The following FCN3 variants were observed in gnomAD, a reference collection of about 807,000 sequenced individuals.
FCN3 encodes the protein ficolin-3.
Under a neutral mutation model 31.5 loss-of-function variants are expected in FCN3, and 28 were observed. The ratio of observed to expected loss-of-function variants is 0.89; its 90% CI spans 0.66 to 1.22. The LOEUF (loss-of-function observed/expected upper bound fraction) is 1.22, where lower values mean the gene tolerates loss of function less well. FCN3 is among the 50% of genes most tolerant of loss of function. FCN3 has a pLI of 0.00. For synonymous variants in FCN3, 124 were observed against 147.4 expected (o/e 0.84, Z 1.15); for missense variants, 351 against 386.8 (o/e 0.91, Z 0.78).
At chr1:27,373,832 T>C in intron 3 of FCN3, 133 bp downstream of exon 3, 2 of 830,352 alleles carry the variant, frequency 2.4e-6, no homozygotes, top group Non-Finnish European at 3.9e-6. Context: ...CTCCTAATCC[T>C]TCCCACTCCT....
At chr1:27,371,432 C>T (rs765613386) in intron 5 of FCN3, among the ~76,000 whole-genome samples, 4 of 152,112 alleles carry the variant, frequency 2.6e-5, no homozygotes, top group Non-Finnish European at 5.9e-5. Context: ...AAATATTAGC[C>T]GGGTGTGGTG....
intron 5 of FCN3, 75 bp from the exon 6 acceptor site, chr1:27,371,047 G>A (rs2016137343): frequency 2.7e-6 from 4 of 1,473,010 alleles, no homozygotes; most frequent in Admixed American, 1.9e-5. Context: ...ACTGTGAGGG[G>A]TGGGTGGATA....
At position 27,370,700 on chromosome 1, in the gene FCN3, T is replaced by A; in HGVS notation, c.554A>T (p.Asp185Val). 6.2e-7 allele frequency: 1 copy of A among 1,614,148 alleles called. No homozygotes were observed. Among genetic ancestry groups the A allele is most frequent in the South Asian group, 1.1e-5 (1 of 91,084 alleles). The part of the protein sequence containing the change: ...GNWELRVELE[D>V]FNGNRTFAHY... The stretch of plus-strand genomic sequence containing the variant: ...GGCGAAAGTACGGTTACCATTAAAG[T>A]CTTCCAGCTCTACCCGCAGCTCCCA... Residue 185 changes from aspartate to valine, a missense_variant, in exon 7 of 8, where the codon GAC becomes GTC. Physicochemically the swap from Asp to Val is radical, Grantham distance 152 (BLOSUM62 -3). Transcript: ENST00000270879.
At position 27,369,421 on chromosome 1, in the gene FCN3, C is replaced by T. The variant is rs778768902; in HGVS notation, c.715G>A (p.Asp239Asn). 6.8e-6 allele frequency: 11 copies of T among 1,614,096 alleles called. No individual in the cohort carries two copies. The highest frequency in any genetic ancestry group is 2.2e-5 in the East Asian group (1 of 44,902). Residue 239 changes from aspartate (D) to asparagine (N), a missense_variant, in exon 8 of 8, where the codon GAT becomes AAT. Physicochemically the swap from Asp to Asn is conservative, Grantham distance 23 (BLOSUM62 1). Coordinates refer to ENST00000270879, the MANE Select transcript of FCN3 (RefSeq NM_003665.4). ...RPFTTYDADH[D>N]SSNSNCAVIV... ...ACTGCACAGTTGCTGTTGCTTGAAT[C>T]GTGGTCAGCGTCATAGGTGGTAAAG...
chr1:27,374,754 T>C lies in FCN3; in HGVS notation c.65A>G (p.Lys22Arg). The C allele has an allele frequency of 7.2e-7, 1 of 1,388,334 alleles. No individual in the cohort carries two copies. The highest frequency in any genetic ancestry group is 9.4e-7 in the Non-Finnish European group (1 of 1,065,662). The allele number at this position is 1,388,334 out of a possible 1,614,324, so 86.0% of individuals were successfully genotyped here. ...TGGGCAGCTGGGGTGTTCCTGGGTC[T>C]TCAGGCAGGCAGGCCCCCCAAGCAG... ...LLLLGGPACL[K>R]TQEHPSCPGP... Residue 22 changes from lysine to arginine, a missense_variant, in exon 1 of 8, where the codon AAG becomes AGG. Lys to Arg is a conservative substitution (Grantham distance 26). Transcript: ENST00000270879.
At chr1:27,371,035 G>A in intron 5 of FCN3, 63 bp from the exon 6 acceptor site, 1 of 1,553,094 alleles carries the variant, frequency 6.4e-7, no homozygotes, top group Non-Finnish European at 8.8e-7. Context: ...GAGGGTGCAG[G>A]AACTGTGAGG....
intron 3 of FCN3, 90 bp downstream of exon 3, chr1:27,373,875 C>G: frequency 1.7e-6 from 2 of 1,159,052 alleles, no homozygotes; most frequent in Non-Finnish European, 2.6e-6. Flanking sequence ...AGAGAGCCAT[C>G]ATAGGCACAG....
intron 7 of FCN3, among the ~76,000 whole-genome samples, chr1:27,370,052 G>A (rs562854825): frequency 1.1e-4 from 16 of 150,610 alleles, no homozygotes; most frequent in African/African-American, 3.9e-4. Context: ...TGTCGCCCAG[G>A]CTAGAGTGCA....
chr1:27,370,485 GA>G, intron 7 of FCN3, 110 bp downstream of exon 7: 2 of 937,882 alleles, frequency 2.1e-6, no homozygotes, highest in South Asian at 1.6e-5. Context: ...CTCAGATGCG[GA>G]AACTAAGGCC....
chr1:27,369,391 C>G lies in FCN3; in HGVS notation c.745G>C (p.Val249Leu). 1 of 1,614,230 alleles carries G rather than the reference C, an allele frequency of 6.2e-7. No homozygotes were observed. The highest frequency in any genetic ancestry group is 1.1e-5 in the South Asian group (1 of 91,086). Residue 249 changes from valine (V) to leucine (L), a missense_variant, in exon 8 of 8, where the codon GTC (valine) becomes CTC (leucine). Transcript: ENST00000270879. ...DSSNSNCAVIVHGAWWYASCY... is the reference protein window; with the variant it reads ...DSSNSNCAVILHGAWWYASCY... ...GATGCATACCACCAGGCACCGTGGACAATCACTGCACAGTTGCTGTTGCTT... is the reference window on the plus strand; with the variant it reads ...GATGCATACCACCAGGCACCGTGGAGAATCACTGCACAGTTGCTGTTGCTT...
chr1:27,371,001 A>AG, intron 5 of FCN3, 29 bp from the exon 6 acceptor site: 1 of 1,604,750 alleles, frequency 6.2e-7, no homozygotes, highest in Admixed American at 1.7e-5. Context: ...AGCAGCTATT[A>AG]CTCCAGGCTG....
At position 27,372,494 on chromosome 1, in the gene FCN3, C is replaced by T. The variant is rs570125085; in HGVS notation, c.393+642G>A. On this transcript the variant is annotated intron_variant, in intron 5 of 7. Transcript: ENST00000270879. Reference sequence around the variant, plus strand: ...AACTCTTGACCTCAGGTGATCTGCCCGCCTTGGCCTCCCAAAGTGCTGGGA... The same window carrying T: ...AACTCTTGACCTCAGGTGATCTGCCTGCCTTGGCCTCCCAAAGTGCTGGGA... Among the ~76,000 whole-genome samples, 8 of 152,300 alleles carry T rather than the reference C, an allele frequency of 5.3e-5. No individual in the cohort carries two copies. In the South Asian group the frequency reaches 1.0e-3, roughly 20 times the overall value.
intron 5 of FCN3, among the ~76,000 whole-genome samples, chr1:27,372,773 A>ATTTTTTTTTTTT (rs71010351): frequency 2.1e-5 from 2 of 96,442 alleles, no homozygotes; most frequent in Non-Finnish European, 2.0e-5. Context: ...TCCCTACCCT[A>ATTTTTTTTTTTT]TTTTTTTTTT....
rs773203671 is a variant in FCN3, at chr1:27,370,777, G to A, written c.524-47C>T. On this transcript the variant is annotated intron_variant, in intron 6 of 7. Transcript: ENST00000270879. Reference sequence around the variant, plus strand: ...GATGGAGGAATCCTCAGTTCTTGGGGGTGGGGCAGGGATTCAGGATGGCAG... The same window carrying A: ...GATGGAGGAATCCTCAGTTCTTGGGAGTGGGGCAGGGATTCAGGATGGCAG... 7 of 1,611,572 alleles carry A rather than the reference G, an allele frequency of 4.3e-6. No individual in the cohort carries two copies. In the East Asian group the frequency reaches 1.3e-4, roughly 31 times the overall value.
At chr1:27,373,738 A>G in intron 3 of FCN3, 1 of 644,282 alleles carries the variant, frequency 1.6e-6, no homozygotes. Context: ...TTCATAGGGT[A>G]CCCAGGCCCT....
Position 27,373,267 on chromosome 1 carries a change from G to A in FCN3, c.266-4C>T. On this transcript the variant is annotated splice_region_variant and splice_polypyrimidine_tract_variant and intron_variant, in intron 4 of 7. Coordinates refer to ENST00000270879, the MANE Select transcript of FCN3 (RefSeq NM_003665.4). ...AGCTCCCGGCAGTTTCTGGGGCCTG[G>A]GAAAGGGGAGATGGACTGGGGTGGT... The A allele has an allele frequency of 6.2e-7, 1 of 1,614,056 alleles. No homozygotes were observed. The highest frequency in any genetic ancestry group is 8.5e-7 in the Non-Finnish European group (1 of 1,179,982).
chr1:27,374,407 A>T lies in FCN3; in HGVS notation c.136T>A (p.Cys46Ser), dbSNP rs1346135097. ...EASKVVLLPS[C>S]PGAPGSPGEK... ...CCAGGACTTCCTGGAGCTCCGGGAC[A>T]ACTGGGCAGGAGGACAACTTTGCTG... The change falls in exon 2 of 8, where the codon TGT becomes AGT. Residue 46 changes from cysteine (C) to serine (S), a missense_variant. Physicochemically the swap from Cys to Ser is moderately radical, Grantham distance 112 (BLOSUM62 -1). Coordinates refer to ENST00000270879, the MANE Select transcript of FCN3 (RefSeq NM_003665.4). 6.2e-7 allele frequency: 1 copy of T among 1,613,794 alleles called. No individual in the cohort carries two copies. Among genetic ancestry groups the T allele is most frequent in the Non-Finnish European group, 8.5e-7 (1 of 1,179,936 alleles).
intron 7 of FCN3, 197 bp downstream of exon 7, chr1:27,370,399 A>T (rs910742644): frequency 3.4e-6 from 2 of 594,954 alleles, no homozygotes; most frequent in African/African-American, 3.7e-5. Flanking sequence ...GCAGAGATGG[A>T]TTCAAACTCA....
chr1:27,372,140 G>A (rs2016158377), intron 5 of FCN3, among the ~76,000 whole-genome samples: 1 of 152,048 alleles, frequency 6.6e-6, no homozygotes, highest in South Asian at 2.1e-4. Flanking sequence ...CCAATGCAGT[G>A]CATCTTTCAT....
Sources: gnomAD v4.1 joint callset for allele counts (sites outside exome capture counted in the v4.1 genomes callset) on GRCh38, gnomAD v4.1.1 for gene constraint, MANE v1.5 for transcripts, NCBI Gene and HGNC (gene_info 2026-07-23, HGNC 2026-07-21) for gene names.